The following TACR3 variants were observed in gnomAD, a reference collection of about 807,000 sequenced individuals.
TACR3 encodes neuromedin-K receptor.
A neutral mutation model predicts 35.0 loss-of-function variants in TACR3; 34 were observed. That is an observed-to-expected ratio of 0.97 (90% CI 0.74 to 1.30). The LOEUF (loss-of-function observed/expected upper bound fraction) is 1.30. TACR3 is among the 50% of genes most tolerant of loss of function. The pLI, the probability that TACR3 is intolerant of heterozygous loss-of-function variation, is 0.00. For missense variants in TACR3, 558 were observed against 591.7 expected, an observed-to-expected ratio of 0.94 and a Z score of 0.59; for synonymous variants, 233 against 221.1, an observed-to-expected ratio of 1.05 and a Z score of -0.48.
At chr4:103,631,705 A>T (rs1431507629) in intron 3 of TACR3, among the ~76,000 whole-genome samples, 1 of 152,136 alleles carries the variant, frequency 6.6e-6, no homozygotes, top group Non-Finnish European at 1.5e-5. Context: ...AACAATTCTG[A>T]CCTTAAGCAA....
In TACR3 at chr4:103,618,564, C is replaced by CTTTTTTT. The variant is rs57837921; in HGVS notation, c.889-26888_889-26882dup. 2.4e-4 allele frequency among the ~76,000 whole-genome samples: 15 copies of CTTTTTTT among 61,452 alleles called. 1 individual carries two copies. The highest frequency in any genetic ancestry group is 7.3e-4 in the African/African-American group (8 of 11,020). The allele number at this position is 61,452 out of a possible 152,430, so 40.3% of individuals were successfully genotyped here. A position where few individuals can be genotyped will look rare whatever the true frequency, so the allele number is the denominator to read the frequency against. ...CTTAGGATTGCTTTGGTGACTTGGGCTTTTTTTTTTTTTTTTTTTTTTTTT... is the reference window on the plus strand; with the variant it reads ...CTTAGGATTGCTTTGGTGACTTGGGCTTTTTTTTTTTTTTTTTTTTTTTTTTTTTTTT... On this transcript the variant is annotated intron_variant, in intron 3 of 4. Transcript: ENST00000304883.
At chr4:103,607,855 G>A (rs932392623) in intron 3 of TACR3, among the ~76,000 whole-genome samples, 9 of 152,104 alleles carry the variant, frequency 5.9e-5, no homozygotes, top group South Asian at 2.1e-4. Context: ...CTGCTATAAC[G>A]TGGTCAGAAA....
intron 3 of TACR3, among the ~76,000 whole-genome samples, chr4:103,644,653 T>C (rs1346274007): frequency 6.6e-6 from 1 of 151,710 alleles, no homozygotes; most frequent in Non-Finnish European, 1.5e-5. Context: ...AATTTAAAAA[T>C]TTTTTTCTAG....
chr4:103,629,747 A>G (rs567929857), intron 3 of TACR3, among the ~76,000 whole-genome samples: 11 of 151,926 alleles, frequency 7.2e-5, no homozygotes, highest in African/African-American at 2.4e-4. Flanking sequence ...TGCCATCCCC[A>G]TCAAGCTACC....
At chr4:103,609,682 G>T (rs1259527824) in intron 3 of TACR3, among the ~76,000 whole-genome samples, 1 of 152,020 alleles carries the variant, frequency 6.6e-6, no homozygotes, top group Non-Finnish European at 1.5e-5. Flanking sequence ...AACCTACTGT[G>T]TAATAGAACA....
chr4:103,693,058 A>C, intron 1 of TACR3, among the ~76,000 whole-genome samples: 1 of 152,224 alleles, frequency 6.6e-6, no homozygotes, highest in East Asian at 1.9e-4. Flanking sequence ...CTGCCACTAA[A>C]GGACAGAATT....
At chr4:103,631,530 G>A (rs12641703) in intron 3 of TACR3, among the ~76,000 whole-genome samples, 91,519 of 151,978 alleles carry the variant, frequency 0.6, 29,663 homozygotes, top group African/African-American at 0.85. Context: ...GCAGTAAGAT[G>A]AATAGGCCTT....
At chr4:103,629,958 G>T (rs1278363345) in intron 3 of TACR3, among the ~76,000 whole-genome samples, 1 of 150,412 alleles carries the variant, frequency 6.6e-6, no homozygotes, top group Non-Finnish European at 1.5e-5. Context: ...GGCTACCATA[G>T]CCAAAACAGC....
intron 3 of TACR3, among the ~76,000 whole-genome samples, chr4:103,631,592 G>A (rs916374145): frequency 2.6e-5 from 4 of 152,120 alleles, no homozygotes; most frequent in South Asian, 4.1e-4. Context: ...AACTTTGTCT[G>A]GAAGATTCAG....
chr4:103,704,913 C>T (rs75275828), intron 1 of TACR3, among the ~76,000 whole-genome samples: 1 of 152,126 alleles, frequency 6.6e-6, no homozygotes, highest in Admixed American at 6.6e-5. Flanking sequence ...CATATTTATA[C>T]ACAAGGGCAT....
chr4:103,626,000 G>A lies in TACR3; in HGVS notation c.888+30194C>T, dbSNP rs573697371. ...TTTACAAGCCAAGGAGAGAGGCCTCGGGAAAAATCAACCCAGCCTACATTT... is the reference window on the plus strand; with the variant it reads ...TTTACAAGCCAAGGAGAGAGGCCTCAGGAAAAATCAACCCAGCCTACATTT... On this transcript the variant is annotated intron_variant, in intron 3 of 4. Coordinates refer to ENST00000304883, the MANE Select transcript of TACR3 (RefSeq NM_001059.3). Among the ~76,000 whole-genome samples the A allele has an allele frequency of 6.6e-5, 10 of 152,212 alleles. No individual in the cohort carries two copies. In the South Asian group the frequency reaches 1.9e-3, roughly 28 times the overall value.
intron 1 of TACR3, among the ~76,000 whole-genome samples, chr4:103,665,143 A>G (rs1322706113): frequency 1.3e-5 from 2 of 151,986 alleles, no homozygotes; most frequent in African/African-American, 4.8e-5. Context: ...TTAAGAATAA[A>G]TGAATCATTT....
intron 3 of TACR3, among the ~76,000 whole-genome samples, chr4:103,599,351 T>C (rs1724130644): frequency 6.6e-6 from 1 of 152,258 alleles, no homozygotes; most frequent in South Asian, 2.1e-4. Context: ...GAGGAGATTT[T>C]GGGCTGAGAC....
At chr4:103,596,834 G>A (rs1241561149) in intron 3 of TACR3, among the ~76,000 whole-genome samples, 2 of 150,894 alleles carry the variant, frequency 1.3e-5, no homozygotes, top group Non-Finnish European at 2.9e-5. Flanking sequence ...ATTCCCACCT[G>A]TGAGTGAGAA....
chr4:103,622,397 A>G (rs1724801968), intron 3 of TACR3, among the ~76,000 whole-genome samples: 1 of 152,182 alleles, frequency 6.6e-6, no homozygotes, highest in Non-Finnish European at 1.5e-5. Context: ...CCAAGGATAC[A>G]GAATATTGGT....
At chr4:103,709,940 A>G (rs1332877782) in intron 1 of TACR3, among the ~76,000 whole-genome samples, 1 of 152,052 alleles carries the variant, frequency 6.6e-6, no homozygotes, top group East Asian at 1.9e-4. Flanking sequence ...AAAGGGATCA[A>G]TTCAACAAGA....
chr4:103,631,081 A>G (rs915671444), intron 3 of TACR3, among the ~76,000 whole-genome samples: 3 of 152,180 alleles, frequency 2.0e-5, no homozygotes, highest in African/African-American at 7.2e-5. Flanking sequence ...ACAAGGACCA[A>G]AAACCAAACA....
At chr4:103,685,893 T>G (rs1188072422) in intron 1 of TACR3, among the ~76,000 whole-genome samples, 1 of 152,162 alleles carries the variant, frequency 6.6e-6, no homozygotes, top group Non-Finnish European at 1.5e-5. Context: ...CCTGTGTGGG[T>G]GGGGACATCT....
At chr4:103,613,703 T>A (rs192441656) in intron 3 of TACR3, among the ~76,000 whole-genome samples, 1 of 152,294 alleles carries the variant, frequency 6.6e-6, no homozygotes, top group East Asian at 1.9e-4. Context: ...ATAGATTGGG[T>A]GGCTTAAACA....
Sources: allele counts gnomAD v4.1 joint callset (sites outside exome capture counted in the v4.1 genomes callset), GRCh38; gene constraint gnomAD v4.1.1; transcripts MANE v1.5; gene names NCBI Gene and HGNC (gene_info 2026-07-23, HGNC 2026-07-21).